Variants in EPM2A observed in about 807,000 individuals in gnomAD.
EPM2A encodes laforin.
In EPM2A, 21 loss-of-function variants were observed where a neutral mutation model predicts 26.5. That is an observed-to-expected ratio of 0.79 (90% CI 0.56 to 1.14). EPM2A has a LOEUF of 1.14. Among genes scored for constraint, EPM2A ranks in the 50% most tolerant of loss-of-function variants. EPM2A has a pLI of 0.00. For synonymous variants in EPM2A, 217 were observed against 177.6 expected (o/e 1.22, Z -1.76); for missense variants, 458 against 440.8 (o/e 1.04, Z -0.35).
chr6:145,705,853 G>A (rs1782194256), intron 1 of EPM2A: 3 of 456,484 alleles, frequency 6.6e-6, no homozygotes, highest in South Asian at 4.6e-5. Context: ...AGAGGACATG[G>A]ATACTGGTAA....
At chr6:145,484,368 C>A (rs563770915) in intron 4 of EPM2A, among the ~76,000 whole-genome samples, 2 of 151,930 alleles carry the variant, frequency 1.3e-5, no homozygotes, top group Admixed American at 1.3e-4. Context: ...GCTTTAGTCC[C>A]CATGAAACCT....
intron 2 of EPM2A, among the ~76,000 whole-genome samples, chr6:145,533,692 G>T (rs1242671383): frequency 1.3e-5 from 2 of 152,056 alleles, no homozygotes; most frequent in Non-Finnish European, 2.9e-5. Context: ...TCAGGTGTTA[G>T]TTCAAATGTC....
intron 1 of EPM2A, among the ~76,000 whole-genome samples, chr6:145,717,122 C>A (rs976473408): frequency 6.6e-6 from 1 of 152,086 alleles, no homozygotes; most frequent in Non-Finnish European, 1.5e-5. Flanking sequence ...TTTTATGAGG[C>A]CAGCATCATC....
intron 2 of EPM2A, among the ~76,000 whole-genome samples, chr6:145,649,070 G>A (rs1425187872): frequency 2.0e-5 from 3 of 152,170 alleles, no homozygotes; most frequent in African/African-American, 7.2e-5. Flanking sequence ...CCTTTGCAAA[G>A]TCATCTGAAC....
chr6:145,433,083 G>A (rs1187727019), intron 4 of EPM2A, among the ~76,000 whole-genome samples: 1 of 152,102 alleles, frequency 6.6e-6, no homozygotes, highest in Admixed American at 6.6e-5. Flanking sequence ...CTTCTATCCA[G>A]ACCATTCAAA....
intron 4 of EPM2A, chr6:145,490,061 T>C (rs1779734754): frequency 1.5e-6 from 2 of 1,292,052 alleles, no homozygotes; most frequent in South Asian, 2.8e-5. Context: ...TGAATCCACC[T>C]GGACCTGAAG....
rs150157811 is a variant in EPM2A at position 145,606,634 on chromosome 6, G to A, written c.340+28611C>T. Among the ~76,000 whole-genome samples the A allele has an allele frequency of 2.3e-4, 35 of 151,926 alleles. No individual in the cohort carries two copies. The East Asian group carries it at 3.1e-3, about 13-fold the overall frequency. ...AGCTATGCATGTAGTTTGAGTTGTC[G>A]TCAATATATATAATTATGGGAGTCA... On this transcript the variant is annotated intron_variant, in intron 2 of 3. Transcript: ENST00000450221.
intron 1 of EPM2A, among the ~76,000 whole-genome samples, chr6:145,717,540 C>A (rs899752080): frequency 6.6e-6 from 1 of 152,144 alleles, no homozygotes; most frequent in African/African-American, 2.4e-5. Flanking sequence ...TGGAAGCATT[C>A]CCTTTGAAAA....
intron 2 of EPM2A, among the ~76,000 whole-genome samples, chr6:145,589,994 A>G (rs537645491): frequency 2.5e-4 from 38 of 152,320 alleles, no homozygotes; most frequent in African/African-American, 9.1e-4. Context: ...AATCGAGGTC[A>G]TAGGGTAAAC....
At chr6:145,725,379 C>T (rs895088851) in intron 1 of EPM2A, among the ~76,000 whole-genome samples, 1 of 152,004 alleles carries the variant, frequency 6.6e-6, no homozygotes, top group Non-Finnish European at 1.5e-5. Flanking sequence ...GATGGTTTGG[C>T]AGTTTCTTAC....
At chr6:145,485,175 A>G (rs1779657269) in intron 4 of EPM2A, among the ~76,000 whole-genome samples, 1 of 151,892 alleles carries the variant, frequency 6.6e-6, no homozygotes, top group South Asian at 2.1e-4. Flanking sequence ...GGGCCAGTAT[A>G]TAAAATTGCA....
At chr6:145,489,258 A>G (rs1396689033) in intron 4 of EPM2A, among the ~76,000 whole-genome samples, 1 of 152,220 alleles carries the variant, frequency 6.6e-6, no homozygotes, top group Non-Finnish European at 1.5e-5. Flanking sequence ...ATAAACTTGT[A>G]TTCTAATGAT....
At chr6:145,671,283 C>A (rs1779619754) in intron 2 of EPM2A, 2 of 1,049,152 alleles carry the variant, frequency 1.9e-6, no homozygotes, top group African/African-American at 3.4e-5. Context: ...ATGTGTATTT[C>A]CAAATATAGC....
chr6:145,678,969 T>C (rs1780286032), intron 2 of EPM2A, among the ~76,000 whole-genome samples: 1 of 152,154 alleles, frequency 6.6e-6, no homozygotes, highest in South Asian at 2.1e-4. Flanking sequence ...ATTGCGGCAT[T>C]ATTCACAGTA....
intron 2 of EPM2A, among the ~76,000 whole-genome samples, chr6:145,531,674 G>A (rs922708613): frequency 2.1e-4 from 32 of 152,096 alleles, no homozygotes; most frequent in Non-Finnish European, 4.0e-4. Flanking sequence ...GACCCAACCC[G>A]GTACCATAAA....
chr6:145,633,264 G>T (rs1776401744), intron 3 of EPM2A, among the ~76,000 whole-genome samples: 1 of 152,162 alleles, frequency 6.6e-6, no homozygotes, highest in Non-Finnish European at 1.5e-5. Flanking sequence ...TGTCAAATCA[G>T]ATTCAGAGAT....
At chr6:145,460,962 G>T (rs1459078663) in intron 4 of EPM2A, among the ~76,000 whole-genome samples, 2 of 152,112 alleles carry the variant, frequency 1.3e-5, no homozygotes, top group African/African-American at 4.8e-5. Context: ...TATTAATGGA[G>T]AACTGGTAAT....
At chr6:145,520,479 C>T (rs1037709719) in intron 2 of EPM2A, among the ~76,000 whole-genome samples, 1 of 152,174 alleles carries the variant, frequency 6.6e-6, no homozygotes, top group Non-Finnish European at 1.5e-5. Context: ...GCCTGCTACT[C>T]TTAATCTCTC....
chr6:145,587,430 C>T (rs1217474487), intron 2 of EPM2A, among the ~76,000 whole-genome samples: 1 of 152,186 alleles, frequency 6.6e-6, no homozygotes, highest in Admixed American at 6.5e-5. Flanking sequence ...TTTACTCTCA[C>T]AAACACACTT....
Sources: allele counts gnomAD v4.1 joint callset (sites outside exome capture counted in the v4.1 genomes callset), GRCh38; gene constraint gnomAD v4.1.1; transcripts MANE v1.5; gene names NCBI Gene and HGNC (gene_info 2026-07-23, HGNC 2026-07-21).